Variants in CAPN9 observed in about 807,000 individuals in gnomAD.
The protein encoded by CAPN9 is calpain 9, also known as calpain-9.
CAPN9 carries 81 observed loss-of-function variants against 92.8 expected under a neutral mutation model. The observed-to-expected ratio is 0.87, with a 90% CI of 0.73 to 1.05. The LOEUF (loss-of-function observed/expected upper bound fraction) is 1.05, where lower values mean the gene tolerates loss of function less well. CAPN9 is among the 50% of genes least tolerant of loss of function. The pLI is 0.00. For synonymous variants in CAPN9, 304 were observed against 328.0 expected, an observed-to-expected ratio of 0.93 and a Z score of 0.79; for missense variants, 848 against 866.2, an observed-to-expected ratio of 0.98 and a Z score of 0.26.
chr1:230,771,859 C>T (rs1402532848), intron 6 of CAPN9, among the ~76,000 whole-genome samples, 155 bp from the exon 7 acceptor site: 2 of 152,228 alleles, frequency 1.3e-5, no homozygotes, highest in Admixed American at 6.5e-5. Flanking sequence ...TAAGAACTGG[C>T]GAACTTCTAC....
At position 230,792,487 on chromosome 1, in the gene CAPN9, A is replaced by T; in HGVS notation, c.1784A>T (p.Gln595Leu). 6.2e-7 allele frequency: 1 copy of T among 1,613,550 alleles called. No individual in the cohort carries two copies. The highest frequency in any genetic ancestry group is 8.5e-7 in the Non-Finnish European group (1 of 1,179,416). The change falls in exon 16 of 20, where the codon CAG becomes CTG. Residue 595 changes from glutamine (Q) to leucine (L), a missense_variant. Transcript: ENST00000271971. ...EFKVFWDKLKQWINLFLRFDA... is the reference protein window; with the variant it reads ...EFKVFWDKLKLWINLFLRFDA... ...AAAGTGTTCTGGGACAAGCTGAAGC[A>T]GTGGATTGTATGTAACCTGGAGCAG...
At chr1:230,794,810 A>G (rs1668239273) in intron 17 of CAPN9, among the ~76,000 whole-genome samples, 1 of 152,208 alleles carries the variant, frequency 6.6e-6, no homozygotes, top group African/African-American at 2.4e-5. Context: ...GACACCACCC[A>G]GTGTTAAGTT....
At chr1:230,781,896 C>T (rs753468589) in intron 11 of CAPN9, among the ~76,000 whole-genome samples, 18 of 152,212 alleles carry the variant, frequency 1.2e-4, no homozygotes, top group Non-Finnish European at 2.4e-4. Context: ...ATGGTTCTTT[C>T]TCTTGGCTAA....
At chr1:230,772,929 G>A (rs370659242) in intron 7 of CAPN9, among the ~76,000 whole-genome samples, 1 of 152,068 alleles carries the variant, frequency 6.6e-6, no homozygotes, top group South Asian at 2.1e-4. Flanking sequence ...CTAAGAACCA[G>A]GGATGTTTGT....
At chr1:230,759,861 T>A (rs1665523958) in intron 3 of CAPN9, among the ~76,000 whole-genome samples, 1 of 152,240 alleles carries the variant, frequency 6.6e-6, no homozygotes, top group African/African-American at 2.4e-5. Context: ...TTTAAAACTA[T>A]AAGTGATGTT....
chr1:230,747,824 T>C (rs1664522120), intron 1 of CAPN9, 115 bp downstream of exon 1: 1 of 844,888 alleles, frequency 1.2e-6, no homozygotes, highest in East Asian at 2.6e-5. Context: ...GCAACTGAGG[T>C]GCATCATCCC....
chr1:230,750,096 G>C (rs1301874581), intron 1 of CAPN9, among the ~76,000 whole-genome samples: 3 of 152,154 alleles, frequency 2.0e-5, no homozygotes, highest in Non-Finnish European at 4.4e-5. Flanking sequence ...TCTGCTCCAA[G>C]GGGCTGTCTT....
At chr1:230,752,508 C>T (rs1389775766) in intron 1 of CAPN9, among the ~76,000 whole-genome samples, 1 of 152,168 alleles carries the variant, frequency 6.6e-6, no homozygotes, top group African/African-American at 2.4e-5. Context: ...AACAAAACAA[C>T]CAATTGCAAG....
In CAPN9 at chr1:230,780,255, T is replaced by C. The variant is rs200488224; in HGVS notation, c.1191T>C (p.Leu397=). 12 of 1,614,114 alleles carry C rather than the reference T, an allele frequency of 7.4e-6. No individual in the cohort carries two copies. The South Asian group carries it at 1.2e-4, about 16-fold the overall frequency. The part of the protein sequence containing the change: ...KDEGQEECSF[L]VALMQKDRRK... ...AGGGGCAGGAGGAGTGTAGTTTCCTTGTAGCCCTGATGCAGAAAGATAGAA... is the reference window on the plus strand; with the variant it reads ...AGGGGCAGGAGGAGTGTAGTTTCCTCGTAGCCCTGATGCAGAAAGATAGAA... Residue 397 remains leucine (L), a synonymous_variant, in exon 10 of 20, where the codon CTT becomes CTC. Coordinates refer to ENST00000271971, the MANE Select transcript of CAPN9 (RefSeq NM_006615.3).
chr1:230,762,697 C>T lies in CAPN9; in HGVS notation c.447C>T (p.Arg149=), dbSNP rs748100909. The T allele has an allele frequency of 6.2e-7, 1 of 1,614,188 alleles. No homozygotes were observed. Among genetic ancestry groups the T allele is most frequent in the Non-Finnish European group, 8.5e-7 (1 of 1,180,034 alleles). The change falls in exon 4 of 20, where the codon CGC becomes CGT. Residue 149 remains arginine, a synonymous_variant. Transcript: ENST00000271971. ...GGCTGGACGTGGTGATCGATGACCG[C>T]CTGCCCACCTTCAGGGACCGCTTGG... ...SEWLDVVIDD[R]LPTFRDRLVF... is the part of the protein sequence containing the mutation.
intron 8 of CAPN9, 108 bp downstream of exon 8, chr1:230,774,739 C>CTT (rs747512464): frequency 2.5e-3 from 945 of 384,944 alleles, no homozygotes; most frequent in East Asian, 3.3e-3. Flanking sequence ...TTCTTTCTTT[C>CTT]TTTTTTTTTT....
chr1:230,779,233 C>T, intron 9 of CAPN9, 100 bp downstream of exon 9: 2 of 1,136,100 alleles, frequency 1.8e-6, no homozygotes, highest in Non-Finnish European at 2.5e-6. Context: ...AAGCCTGAAA[C>T]ATAGTAAGGT....
intron 1 of CAPN9, among the ~76,000 whole-genome samples, chr1:230,749,415 T>G (rs1213392609): frequency 2.6e-5 from 4 of 152,176 alleles, no homozygotes; most frequent in Admixed American, 6.5e-5. Context: ...GACCATTAGG[T>G]CTCCCTGGGC....
intron 7 of CAPN9, among the ~76,000 whole-genome samples, chr1:230,772,603 A>C (rs1666460573): frequency 6.6e-6 from 1 of 152,180 alleles, no homozygotes; most frequent in East Asian, 1.9e-4. Context: ...GAGGCTGAGC[A>C]TGGTGGCTCA....
intron 8 of CAPN9, chr1:230,776,862 A>C (rs1477756544): frequency 6.6e-6 from 1 of 152,178 alleles, no homozygotes; most frequent in African/African-American, 2.4e-5. Flanking sequence ...TCTACTCCCA[A>C]ATGGAAGGAG....
At chr1:230,751,538 ATAG>A (rs1172545509) in intron 1 of CAPN9, among the ~76,000 whole-genome samples, 17 of 130,748 alleles carry the variant, frequency 1.3e-4, no homozygotes, top group African/African-American at 3.8e-4. Flanking sequence ...AGAAAGAAAG[ATAG>A]AAAAAAAGAA....
At chr1:230,778,690 A>G (rs1395850798) in intron 8 of CAPN9, among the ~76,000 whole-genome samples, 1 of 152,062 alleles carries the variant, frequency 6.6e-6, no homozygotes, top group Non-Finnish European at 1.5e-5. Context: ...CCTGTTTAAA[A>G]TAGCATCCCA....
In CAPN9 at chr1:230,780,395, C is replaced by G. The variant is rs561757783; in HGVS notation, c.1272+59C>G. ...CCATCTGAGTTCTAAATTCGCGGCT[C>G]CTCCTCGGTCTCACACCCGAGACTC... On this transcript the variant is annotated intron_variant, in intron 10 of 19. Coordinates refer to ENST00000271971, the MANE Select transcript of CAPN9 (RefSeq NM_006615.3). The G allele has an allele frequency of 1.2e-5, 19 of 1,600,798 alleles. No homozygotes were observed. In the South Asian group the frequency reaches 1.6e-4, roughly 13 times the overall value.
intron 19 of CAPN9, 71 bp from the exon 20 acceptor site, chr1:230,801,499 C>T: frequency 1.4e-6 from 2 of 1,474,142 alleles, no homozygotes; most frequent in South Asian, 1.1e-5. Context: ...AAACTGGGGC[C>T]ACTCCTGAGG....
Sources: allele counts gnomAD v4.1 joint callset (sites outside exome capture counted in the v4.1 genomes callset), GRCh38; gene constraint gnomAD v4.1.1; transcripts MANE v1.5; gene names NCBI Gene and HGNC (gene_info 2026-07-23, HGNC 2026-07-21).